PAQR5: variants seen among roughly 807,000 people sequenced by gnomAD.
PAQR5 encodes the protein membrane progestin receptor gamma.
A neutral mutation model predicts 34.5 loss-of-function variants in PAQR5; 20 were observed. That is an observed-to-expected ratio of 0.58 (90% CI 0.41 to 0.84). The LOEUF is 0.84. PAQR5 is among the 40% of genes least tolerant of loss of function. The pLI, the probability that PAQR5 is intolerant of heterozygous loss-of-function variation, is 0.00. For synonymous variants in PAQR5, 131 were observed against 155.6 expected (o/e 0.84, Z 1.18); for missense variants, 378 against 412.7 (o/e 0.92, Z 0.73).
intron 1 of PAQR5, among the ~76,000 whole-genome samples, chr15:69,304,370 A>C (rs1423022830): frequency 6.6e-6 from 1 of 152,202 alleles, no homozygotes; most frequent in East Asian, 1.9e-4. Context: ...ATGGGATTGC[A>C]CCGTCAGCTC....
chr15:69,390,360 A>ATTTATTTTT (rs1555423101), intron 6 of PAQR5, among the ~76,000 whole-genome samples: 2 of 135,888 alleles, frequency 1.5e-5, no homozygotes, highest in African/African-American at 2.7e-5. Context: ...TTATTTATTT[A>ATTTATTTTT]TTTTTTTGAG....
chr15:69,387,255 G>A (rs1042942394), intron 5 of PAQR5, among the ~76,000 whole-genome samples: 1 of 152,194 alleles, frequency 6.6e-6, no homozygotes, highest in African/African-American at 2.4e-5. Flanking sequence ...GTTTTGATAA[G>A]TGTGGGCATT....
chr15:69,299,691 G>A (rs971286086), intron 1 of PAQR5, among the ~76,000 whole-genome samples: 3 of 152,198 alleles, frequency 2.0e-5, no homozygotes, highest in African/African-American at 7.2e-5. Context: ...CTAGTCGGAT[G>A]AGCCCAGGAG....
At chr15:69,330,180 C>T (rs978964475) in intron 1 of PAQR5, among the ~76,000 whole-genome samples, 1 of 152,156 alleles carries the variant, frequency 6.6e-6, no homozygotes, top group Non-Finnish European at 1.5e-5. Context: ...TGTTACAATA[C>T]ACCAGGGAAT....
chr15:69,406,761 T>G lies in PAQR5; in HGVS notation c.*2939T>G, dbSNP rs1010198714. On this transcript the variant is annotated 3_prime_UTR_variant, in exon 9 of 9. Transcript: ENST00000395407. The stretch of plus-strand genomic sequence containing the variant: ...GGTGCACACCTGTGGTCCCAGCTAC[T>G]GTGGAGGGTGATGTGGGAGGATTGC... The G allele has an allele frequency of 1.3e-5, 2 of 152,082 alleles. No homozygotes were observed. Among genetic ancestry groups the G allele is most frequent in the African/African-American group, 4.8e-5 (2 of 41,378 alleles). 9.4% of individuals were successfully genotyped at this position (152,082 alleles called of 1,614,324 possible).
At chr15:69,332,289 A>G (rs2054398646) in intron 1 of PAQR5, among the ~76,000 whole-genome samples, 1 of 152,232 alleles carries the variant, frequency 6.6e-6, no homozygotes, top group Non-Finnish European at 1.5e-5. Context: ...TTTTCAAGCC[A>G]GCTTGGCAGG....
intron 6 of PAQR5, chr15:69,391,590 T>C (rs761744620): frequency 6.0e-5 from 27 of 453,308 alleles, no homozygotes; most frequent in South Asian, 4.2e-4. Context: ...CTGGCCATGG[T>C]CCAGGAACCT....
At chr15:69,315,809 C>A (rs1024927653) in intron 1 of PAQR5, among the ~76,000 whole-genome samples, 20 of 152,192 alleles carry the variant, frequency 1.3e-4, no homozygotes, top group Admixed American at 3.3e-4. Flanking sequence ...GGGGCAGGGA[C>A]TACCTGGGTT....
At chr15:69,341,175 C>T (rs1386598917) in intron 2 of PAQR5, among the ~76,000 whole-genome samples, 6 of 149,626 alleles carry the variant, frequency 4.0e-5, no homozygotes, top group Non-Finnish European at 3.0e-5. Context: ...TCCCCATCCC[C>T]TCTACCCGCC....
intron 1 of PAQR5, among the ~76,000 whole-genome samples, chr15:69,316,269 C>T (rs1302601737): frequency 9.9e-5 from 15 of 152,114 alleles, no homozygotes; most frequent in South Asian, 2.1e-4. Flanking sequence ...TCAGTAGAGC[C>T]GGGGTTTTGC....
intron 2 of PAQR5, among the ~76,000 whole-genome samples, chr15:69,358,845 G>C (rs1435661247): frequency 1.3e-5 from 2 of 151,702 alleles, no homozygotes; most frequent in Non-Finnish European, 2.9e-5. Context: ...TGAACTCTGG[G>C]GCTCAACTGA....
chr15:69,317,618 G>C (rs763098747), intron 1 of PAQR5, among the ~76,000 whole-genome samples: 1 of 152,154 alleles, frequency 6.6e-6, no homozygotes, highest in Admixed American at 6.5e-5. Flanking sequence ...AATCCCCCCA[G>C]TCCCAGTGGG....
intron 1 of PAQR5, among the ~76,000 whole-genome samples, chr15:69,331,146 G>T (rs2054370892): frequency 6.6e-6 from 1 of 152,138 alleles, no homozygotes; most frequent in Non-Finnish European, 1.5e-5. Flanking sequence ...TCTGTCTGTA[G>T]CCCCATTGTG....
intron 3 of PAQR5, among the ~76,000 whole-genome samples, chr15:69,366,592 C>T (rs370204478): frequency 4.5e-4 from 69 of 152,216 alleles, no homozygotes; most frequent in African/African-American, 8.4e-4. Flanking sequence ...CAATCCTTGA[C>T]GTTTGTTCAG....
intron 3 of PAQR5, among the ~76,000 whole-genome samples, chr15:69,369,557 A>G (rs528215228): frequency 1.3e-5 from 2 of 150,854 alleles, no homozygotes; most frequent in Non-Finnish European, 2.9e-5. Flanking sequence ...AAAAAAAAGT[A>G]GAAATCCTTC....
rs775603668 is a variant in PAQR5 at position 69,400,088 on chromosome 15, CT to C, written c.725del (p.Leu242GlnfsTer20). 34 of 1,613,994 alleles carry C rather than the reference CT, an allele frequency of 2.1e-5. No individual in the cohort carries two copies. The highest frequency in any genetic ancestry group is 2.5e-5 in the Non-Finnish European group (30 of 1,179,986). ...FLYSAHLPER[L>X]APGRFDYIGH... ...GTACTCTGCACATCTGCCAGAACGC[CT>C]AGCCCCTGGACGCTTTGACTACATC... On this transcript the variant is annotated frameshift_variant, in exon 8 of 9. Transcript: ENST00000395407. LOFTEE classifies it high-confidence loss of function.
chr15:69,334,291 G>C (rs961090769), intron 1 of PAQR5, among the ~76,000 whole-genome samples: 4 of 152,190 alleles, frequency 2.6e-5, no homozygotes, highest in African/African-American at 9.7e-5. Flanking sequence ...GCCTTCCAAA[G>C]TGCTGGGATA....
chr15:69,352,997 T>TA (rs1313343233), intron 2 of PAQR5, among the ~76,000 whole-genome samples: 7 of 152,222 alleles, frequency 4.6e-5, no homozygotes, highest in African/African-American at 1.7e-4. Context: ...ACCTGTTCTG[T>TA]AGATGCCAGT....
chr15:69,365,996 A>T (rs963077729), intron 3 of PAQR5, among the ~76,000 whole-genome samples: 4 of 152,246 alleles, frequency 2.6e-5, no homozygotes, highest in Non-Finnish European at 4.4e-5. Flanking sequence ...AAAAGTGTAC[A>T]ATTCAGTGTT....
Sources: allele counts gnomAD v4.1 joint callset (sites outside exome capture counted in the v4.1 genomes callset), GRCh38; gene constraint gnomAD v4.1.1; transcripts MANE v1.5; gene names NCBI Gene and HGNC (gene_info 2026-07-23, HGNC 2026-07-21).